The following ANO3 variants were observed in gnomAD, a reference collection of about 807,000 sequenced individuals.
ANO3 encodes anoctamin-3.
ANO3 carries 99 observed loss-of-function variants against 144.8 expected under a neutral mutation model. That is an observed-to-expected ratio of 0.68 (90% CI 0.58 to 0.81). The LOEUF (loss-of-function observed/expected upper bound fraction) is 0.81, where lower values mean the gene tolerates loss of function less well. Among genes scored for constraint, ANO3 ranks in the 30% least tolerant of loss-of-function variants. The pLI, the probability that ANO3 is intolerant of heterozygous loss-of-function variation, is 0.00. For synonymous variants in ANO3, 414 were observed against 392.6 expected (o/e 1.05, Z -0.64); for missense variants, 905 against 1,202.2 (o/e 0.75, Z 3.66).
At chr11:26,251,058 C>T (rs1852917011) in intron 1 of ANO3, among the ~76,000 whole-genome samples, 1 of 152,136 alleles carries the variant, frequency 6.6e-6, no homozygotes, top group Admixed American at 6.5e-5. Flanking sequence ...AGTATTGCTA[C>T]TCCAGGAAAA....
intron 14 of ANO3, among the ~76,000 whole-genome samples, chr11:26,569,396 G>A (rs531639989): frequency 1.4e-4 from 22 of 152,124 alleles, no homozygotes; most frequent in African/African-American, 5.1e-4. Flanking sequence ...TTGTGAAGAC[G>A]GATTGTCCTG....
intron 14 of ANO3, among the ~76,000 whole-genome samples, chr11:26,561,668 G>A (rs758653490): frequency 6.6e-6 from 1 of 151,826 alleles, no homozygotes; most frequent in Middle Eastern, 3.2e-3. Context: ...TATCTTGATG[G>A]CTAAACCATT....
chr11:26,600,575 C>T (rs951896331), intron 17 of ANO3, among the ~76,000 whole-genome samples: 4 of 119,408 alleles, frequency 3.3e-5, no homozygotes, highest in African/African-American at 9.8e-5. Context: ...TCTCTCACTT[C>T]CTCTCCCTCC....
chr11:26,479,075 A>T lies in ANO3; in HGVS notation c.432+15927A>T, dbSNP rs150168258. ...CAAGCATCAGAATTAAGAGATGGAG[A>T]TAGAGAAGAAATATAATAGTAGAGT... On this transcript the variant is annotated intron_variant, in intron 4 of 26. Coordinates refer to ENST00000256737, the MANE Select transcript of ANO3 (RefSeq NM_031418.4). Among the ~76,000 whole-genome samples, 445 of 152,348 alleles carry T rather than the reference A, an allele frequency of 2.9e-3. 2 individuals carry two copies. The highest frequency in any genetic ancestry group is 0.027 in the Middle Eastern group (8 of 294).
At chr11:26,390,721 A>G (rs1488880360) in intron 1 of ANO3, among the ~76,000 whole-genome samples, 1 of 152,200 alleles carries the variant, frequency 6.6e-6, no homozygotes, top group African/African-American at 2.4e-5. Flanking sequence ...ATTATATTAC[A>G]TAAATATATA....
chr11:26,208,735 A>G (rs1472498797), intron 1 of ANO3, among the ~76,000 whole-genome samples: 1 of 152,162 alleles, frequency 6.6e-6, no homozygotes, highest in Admixed American at 6.5e-5. Flanking sequence ...TTTAGCCCTC[A>G]TTGACAGAAA....
At chr11:26,571,722 T>C (rs1360917418) in intron 14 of ANO3, among the ~76,000 whole-genome samples, 2 of 152,200 alleles carry the variant, frequency 1.3e-5, no homozygotes, top group Non-Finnish European at 2.9e-5. Context: ...TACTAAGATC[T>C]GACTTAAGAA....
chr11:26,512,258 A>G (rs923567015), intron 5 of ANO3, among the ~76,000 whole-genome samples: 4 of 152,200 alleles, frequency 2.6e-5, no homozygotes, highest in African/African-American at 7.2e-5. Context: ...CGTAATTTTT[A>G]AGTTTTCCCT....
intron 4 of ANO3, among the ~76,000 whole-genome samples, chr11:26,466,864 C>T (rs752060599): frequency 1.4e-4 from 22 of 151,956 alleles, no homozygotes; most frequent in Admixed American, 4.6e-4. Context: ...GAAGTTAATT[C>T]TTCCTCAGTG....
intron 1 of ANO3, among the ~76,000 whole-genome samples, chr11:26,204,791 A>C (rs1332048455): frequency 6.6e-6 from 1 of 152,172 alleles, no homozygotes; most frequent in East Asian, 1.9e-4. Flanking sequence ...ATGAAGCTGC[A>C]AGATGTGCTA....
At chr11:26,540,811 G>A (rs1849623589) in intron 10 of ANO3, among the ~76,000 whole-genome samples, 2 of 152,160 alleles carry the variant, frequency 1.3e-5, no homozygotes, top group Non-Finnish European at 2.9e-5. Flanking sequence ...GGCTGGAGAG[G>A]ATGTGGAGAA....
intron 8 of ANO3, among the ~76,000 whole-genome samples, chr11:26,531,631 A>G (rs1330808233): frequency 1.3e-5 from 2 of 152,130 alleles, no homozygotes; most frequent in African/African-American, 2.4e-5. Flanking sequence ...AGTTAAAATA[A>G]CAATAATGTT....
chr11:26,264,674 T>G (rs1199920033), intron 1 of ANO3, among the ~76,000 whole-genome samples: 1 of 152,136 alleles, frequency 6.6e-6, no homozygotes, highest in East Asian at 1.9e-4. Context: ...TTCAAGATCA[T>G]GGTAACCTCA....
At chr11:26,622,430 GAAA>G (rs72360962) in intron 17 of ANO3, among the ~76,000 whole-genome samples, 1 of 134,124 alleles carries the variant, frequency 7.5e-6, no homozygotes. Flanking sequence ...AGCCATCTCT[GAAA>G]AAAAAAAAAA....
At chr11:26,397,851 A>G (rs552904185) in intron 1 of ANO3, among the ~76,000 whole-genome samples, 97 of 141,856 alleles carry the variant, frequency 6.8e-4, no homozygotes, top group Non-Finnish European at 1.3e-3. Flanking sequence ...TATATTCTTG[A>G]GAAGAGATGA....
intron 1 of ANO3, among the ~76,000 whole-genome samples, chr11:26,439,966 G>C (rs1266435852): frequency 2.0e-5 from 3 of 152,026 alleles, no homozygotes. Flanking sequence ...TATCCTCAAA[G>C]TGAATAAATA....
At chr11:26,280,074 T>C (rs1416223178) in intron 1 of ANO3, among the ~76,000 whole-genome samples, 1 of 152,178 alleles carries the variant, frequency 6.6e-6, no homozygotes, top group Middle Eastern at 3.2e-3. Flanking sequence ...TCTTCTCCAA[T>C]TGTTAACTCT....
chr11:26,386,313 C>A (rs886259081), intron 1 of ANO3, among the ~76,000 whole-genome samples: 8 of 152,118 alleles, frequency 5.3e-5, no homozygotes, highest in African/African-American at 1.9e-4. Flanking sequence ...GTGTGGGCTC[C>A]TCCTTACGTT....
intron 11 of ANO3, among the ~76,000 whole-genome samples, chr11:26,543,096 C>T (rs1590494699): frequency 6.6e-6 from 1 of 152,120 alleles, no homozygotes; most frequent in Non-Finnish European, 1.5e-5. Flanking sequence ...GCTATCAAAC[C>T]TAGATCTTGA....
Sources: gnomAD v4.1 joint callset for allele counts (sites outside exome capture counted in the v4.1 genomes callset) on GRCh38, gnomAD v4.1.1 for gene constraint, MANE v1.5 for transcripts, NCBI Gene and HGNC (gene_info 2026-07-23, HGNC 2026-07-21) for gene names.